Variants in NREP observed in about 807,000 individuals in gnomAD.
NREP encodes the protein neuronal regeneration-related protein.
A neutral mutation model predicts 8.6 loss-of-function variants in NREP; 5 were observed. The observed-to-expected ratio is 0.58, with a 90% CI of 0.30 to 1.22. NREP has a LOEUF of 1.22. Among genes scored for constraint, NREP ranks in the 50% most tolerant of loss-of-function variants. The pLI is 0.07. For synonymous variants in NREP, 27 were observed against 28.0 expected (o/e 0.96, Z 0.11); for missense variants, 86 against 82.5 (o/e 1.04, Z -0.17).
intron 2 of NREP, among the ~76,000 whole-genome samples, chr5:111,766,037 C>A (rs1408922050): frequency 6.6e-6 from 1 of 152,138 alleles, no homozygotes; most frequent in East Asian, 1.9e-4. Context: ...GAGGTTCCCT[C>A]TCCCCACTTC....
chr5:111,789,124 C>T (rs757131752), intron 2 of NREP, among the ~76,000 whole-genome samples: 18 of 152,024 alleles, frequency 1.2e-4, no homozygotes, highest in Non-Finnish European at 5.9e-5. Flanking sequence ...TATATAAATA[C>T]GTATATACAC....
chr5:111,805,312 C>A (rs1414865354), intron 2 of NREP, among the ~76,000 whole-genome samples: 1 of 152,142 alleles, frequency 6.6e-6, no homozygotes, highest in Non-Finnish European at 1.5e-5. Flanking sequence ...AATTCCACAT[C>A]TAGAATTTTA....
chr5:111,883,856 C>T (rs1041820156), intron 2 of NREP, among the ~76,000 whole-genome samples: 4 of 151,852 alleles, frequency 2.6e-5, no homozygotes, highest in East Asian at 1.9e-4. Context: ...CACTAAATGC[C>T]CACAAGAGAA....
chr5:111,919,757 G>T (rs1755171237), intron 2 of NREP, among the ~76,000 whole-genome samples: 1 of 151,912 alleles, frequency 6.6e-6, no homozygotes, highest in Non-Finnish European at 1.5e-5. Context: ...AACATTAGGA[G>T]AAATAACTAA....
At chr5:111,789,261 T>C (rs543380415) in intron 2 of NREP, among the ~76,000 whole-genome samples, 1 of 152,338 alleles carries the variant, frequency 6.6e-6, no homozygotes, top group East Asian at 1.9e-4. Flanking sequence ...GCTTTTTTTC[T>C]TTCTCTTGAC....
At chr5:111,758,117 C>T (rs909109146), upstream of NREP, 46 of 985,492 alleles carry the variant, frequency 4.7e-5, no homozygotes, top group Non-Finnish European at 5.4e-5. Flanking sequence ...GGGTCGGACC[C>T]TGCCCCTCAG....
At chr5:111,900,603 C>T (rs1042474954) in intron 2 of NREP, among the ~76,000 whole-genome samples, 10 of 151,898 alleles carry the variant, frequency 6.6e-5, no homozygotes, top group Non-Finnish European at 1.3e-4. Context: ...CACAGAAATA[C>T]AAAAGATCAC....
intron 2 of NREP, among the ~76,000 whole-genome samples, chr5:111,748,147 G>A (rs1750124429): frequency 6.6e-6 from 1 of 152,130 alleles, no homozygotes; most frequent in African/African-American, 2.4e-5. Context: ...TAGCTTTCTG[G>A]ATTCTCAGGA....
intron 2 of NREP, among the ~76,000 whole-genome samples, chr5:111,928,599 A>G (rs1162395093): frequency 6.6e-6 from 1 of 152,120 alleles, no homozygotes; most frequent in Non-Finnish European, 1.5e-5. Flanking sequence ...ATATTTTTCT[A>G]CTGGAGCCTC....
At chr5:111,843,410 T>C (rs1581159487) in intron 2 of NREP, among the ~76,000 whole-genome samples, 1 of 152,096 alleles carries the variant, frequency 6.6e-6, no homozygotes, top group Non-Finnish European at 1.5e-5. Flanking sequence ...GGGTTCTTTT[T>C]AATGGTTTGT....
intron 2 of NREP, among the ~76,000 whole-genome samples, chr5:111,945,834 G>A (rs899534758): frequency 1.3e-5 from 2 of 151,884 alleles, no homozygotes; most frequent in African/African-American, 4.8e-5. Flanking sequence ...GAGGGAAGGT[G>A]ATCACCAATT....
chr5:111,745,503 A>T (rs1749945355), intron 2 of NREP, among the ~76,000 whole-genome samples: 1 of 152,224 alleles, frequency 6.6e-6, no homozygotes, highest in East Asian at 1.9e-4. Flanking sequence ...GCATTTGCTG[A>T]GAAACCAGAT....
chr5:111,782,207 G>A (rs899018268), intron 2 of NREP, among the ~76,000 whole-genome samples: 14 of 152,064 alleles, frequency 9.2e-5, no homozygotes, highest in Non-Finnish European at 1.0e-4. Flanking sequence ...TAAATTCCAC[G>A]TTCTCATTTC....
chr5:111,936,492 T>A (rs1310844658), intron 2 of NREP, among the ~76,000 whole-genome samples: 1 of 152,066 alleles, frequency 6.6e-6, no homozygotes, highest in African/African-American at 2.4e-5. Context: ...TCTCAGGTAG[T>A]TTCTTAATAG....
intron 2 of NREP, among the ~76,000 whole-genome samples, chr5:111,792,065 C>A (rs1227932569): frequency 6.6e-6 from 1 of 152,108 alleles, no homozygotes; most frequent in East Asian, 1.9e-4. Context: ...AAATAATTTG[C>A]TTTAGACCTA....
chr5:111,743,648 T>C (rs775987012), intron 2 of NREP, among the ~76,000 whole-genome samples: 3 of 152,206 alleles, frequency 2.0e-5, no homozygotes, highest in Non-Finnish European at 4.4e-5. Flanking sequence ...AATGGTATTA[T>C]TCACCACAAT....
At chr5:111,791,664 G>T (rs1751750669) in intron 2 of NREP, among the ~76,000 whole-genome samples, 1 of 152,028 alleles carries the variant, frequency 6.6e-6, no homozygotes, top group Non-Finnish European at 1.5e-5. Context: ...GTAGAGACAG[G>T]GTTTCTCTGT....
chr5:111,893,374 T>C (rs1754437391), intron 2 of NREP, among the ~76,000 whole-genome samples: 2 of 152,118 alleles, frequency 1.3e-5, no homozygotes, highest in Admixed American at 1.3e-4. Flanking sequence ...AGTTATTTCA[T>C]CTATTAGACA....
At chr5:111,758,709 A>G (rs1380124326), upstream of NREP, among the ~76,000 whole-genome samples, 2 of 152,242 alleles carry the variant, frequency 1.3e-5, no homozygotes, top group Non-Finnish European at 2.9e-5. Context: ...ACAAAACTCA[A>G]TTTTTAAACG....
Sources: gnomAD v4.1 joint callset for allele counts (sites outside exome capture counted in the v4.1 genomes callset) on GRCh38, gnomAD v4.1.1 for gene constraint, MANE v1.5 for transcripts, NCBI Gene and HGNC (gene_info 2026-07-23, HGNC 2026-07-21) for gene names.